Variants in FAM178B observed in about 807,000 individuals in gnomAD.
FAM178B encodes protein FAM178B.
FAM178B carries 82 observed loss-of-function variants against 91.7 expected under a neutral mutation model. The ratio of observed to expected loss-of-function variants is 0.89; its 90% CI spans 0.75 to 1.07. The LOEUF is 1.07. Among genes scored for constraint, FAM178B ranks in the 50% least tolerant of loss-of-function variants. FAM178B has a pLI of 0.00. For missense variants in FAM178B, 769 were observed against 846.7 expected (o/e 0.91, Z 1.14); for synonymous variants, 368 against 359.4 (o/e 1.02, Z -0.27).
At chr2:96,980,233 A>G (rs1024455447) in intron 1 of FAM178B, among the ~76,000 whole-genome samples, 2 of 151,710 alleles carry the variant, frequency 1.3e-5, no homozygotes, top group Non-Finnish European at 2.9e-5. Context: ...GCACCACCAC[A>G]CCCAGCTAAT....
At chr2:96,964,389 C>A (rs1445974574) in intron 5 of FAM178B, among the ~76,000 whole-genome samples, 1 of 152,142 alleles carries the variant, frequency 6.6e-6, no homozygotes, top group Non-Finnish European at 1.5e-5. Context: ...GGGCGTGCAA[C>A]TGAACTTCGC....
intron 14 of FAM178B, among the ~76,000 whole-genome samples, chr2:96,881,125 A>G (rs772147758): frequency 6.6e-6 from 1 of 151,996 alleles, no homozygotes; most frequent in South Asian, 2.1e-4. Context: ...CAAAACCAAA[A>G]GGTTATCCAG....
chr2:96,891,932 A>G (rs567951637), intron 14 of FAM178B, among the ~76,000 whole-genome samples: 1 of 152,192 alleles, frequency 6.6e-6, no homozygotes, highest in East Asian at 1.9e-4. Context: ...GGTCAACCCT[A>G]CTCTGGCCTC....
At chr2:96,951,233 A>AGC in intron 7 of FAM178B, 146 bp downstream of exon 7, 1 of 635,838 alleles carries the variant, frequency 1.6e-6, no homozygotes, top group Non-Finnish European at 2.8e-6. Flanking sequence ...ATGCCCAATC[A>AGC]GCTCTCCTCC....
chr2:96,958,115 C>A (rs1449689585), intron 6 of FAM178B, among the ~76,000 whole-genome samples: 1 of 140,592 alleles, frequency 7.1e-6, no homozygotes, highest in African/African-American at 2.6e-5. Context: ...GTCCCCTAGG[C>A]TGGAGTGCAG....
intron 14 of FAM178B, among the ~76,000 whole-genome samples, chr2:96,879,388 C>A (rs984320291): frequency 1.3e-5 from 2 of 152,180 alleles, no homozygotes; most frequent in African/African-American, 4.8e-5. Context: ...AACCAGCCCA[C>A]GGCCCCTGTG....
In FAM178B at chr2:96,972,085, C is replaced by T. The variant is rs541453202; in HGVS notation, c.380G>A (p.Arg127Gln). The change falls in exon 3 of 17, where the codon CGG becomes CAG. Residue 127 changes from arginine to glutamine, a missense_variant. Arg to Gln is a conservative substitution (Grantham distance 43). Coordinates refer to ENST00000490605, the MANE Select transcript of FAM178B (RefSeq NM_001122646.3). ...CACCCACCTCTGGGCCGGGGCCTCC[C>T]GACTGGCCTGCAGCACCCTCGGGTT... Reference protein sequence around the residue: ...FLNPRVLQASREAPAQRWVGV... With the variant: ...FLNPRVLQASQEAPAQRWVGV... 5.8e-5 allele frequency: 89 copies of T among 1,533,490 alleles called. No individual in the cohort carries two copies. Among genetic ancestry groups the T allele is most frequent in the Middle Eastern group, 3.4e-4 (2 of 5,882 alleles). The allele number at this position is 1,533,490 out of a possible 1,614,324, so 95.0% of individuals were successfully genotyped here. A position where few individuals can be genotyped will look rare whatever the true frequency, so the allele number is the denominator to read the frequency against.
intron 6 of FAM178B, among the ~76,000 whole-genome samples, chr2:96,955,094 C>T (rs1288344071): frequency 2.0e-5 from 3 of 152,098 alleles, no homozygotes; most frequent in African/African-American, 7.2e-5. Flanking sequence ...GGCCGGGCAT[C>T]GTGGCTCATG....
intron 9 of FAM178B, among the ~76,000 whole-genome samples, chr2:96,924,539 C>A (rs762695420): frequency 6.6e-6 from 1 of 152,178 alleles, no homozygotes; most frequent in East Asian, 1.9e-4. Context: ...GAGATGCTTA[C>A]GGTGAGGGGG....
intron 9 of FAM178B, among the ~76,000 whole-genome samples, chr2:96,925,554 G>A (rs773963603): frequency 1.2e-4 from 19 of 152,212 alleles, no homozygotes; most frequent in Admixed American, 8.5e-4. Context: ...GCCACAGCCC[G>A]GGAATTCAAC....
chr2:96,936,233 G>C (rs185372776), intron 8 of FAM178B, among the ~76,000 whole-genome samples: 1 of 151,720 alleles, frequency 6.6e-6, no homozygotes, highest in South Asian at 2.1e-4. Context: ...ACGGAGTCTC[G>C]CTCTGTTGCC....
At chr2:96,902,063 G>A (rs2080944075) in intron 13 of FAM178B, among the ~76,000 whole-genome samples, 1 of 151,652 alleles carries the variant, frequency 6.6e-6, no homozygotes, top group African/African-American at 2.4e-5. Flanking sequence ...GCCTCCCAAA[G>A]TGCTGGGATT....
At chr2:96,981,672 C>T (rs1437868372) in intron 1 of FAM178B, among the ~76,000 whole-genome samples, 4 of 136,338 alleles carry the variant, frequency 2.9e-5, no homozygotes, top group Middle Eastern at 3.9e-3. Context: ...ACCTGGGAGG[C>T]GGAGCTTGCA....
At chr2:96,903,279 TCCGCTCGC>T in intron 12 of FAM178B, among the ~76,000 whole-genome samples, 1 of 152,340 alleles carries the variant, frequency 6.6e-6, no homozygotes, top group Middle Eastern at 3.4e-3. Context: ...GACCTCGTGA[TCCGCTCGC>T]TTCAGCCTCC....
chr2:96,975,488 A>G (rs370392397), intron 1 of FAM178B, among the ~76,000 whole-genome samples: 9 of 152,362 alleles, frequency 5.9e-5, no homozygotes, highest in African/African-American at 2.2e-4. Context: ...AATTTAACAC[A>G]TGCCTATAAT....
chr2:96,970,532 C>T (rs1295276868), intron 4 of FAM178B, among the ~76,000 whole-genome samples, 184 bp downstream of exon 4: 1 of 152,150 alleles, frequency 6.6e-6, no homozygotes, highest in African/African-American at 2.4e-5. Context: ...AGTCTGGGGG[C>T]TCTCTGCCTT....
chr2:96,964,804 G>A (rs931121160), intron 5 of FAM178B, among the ~76,000 whole-genome samples: 1 of 152,100 alleles, frequency 6.6e-6, no homozygotes, highest in Non-Finnish European at 1.5e-5. Context: ...GCAGGGCACT[G>A]TGACCTCTAA....
chr2:96,928,116 G>A (rs2081476345), intron 9 of FAM178B, among the ~76,000 whole-genome samples: 1 of 152,156 alleles, frequency 6.6e-6, no homozygotes, highest in African/African-American at 2.4e-5. Context: ...CAGGTTCTTA[G>A]GAGAGCTCCC....
intron 8 of FAM178B, among the ~76,000 whole-genome samples, chr2:96,940,413 C>G (rs144356444): frequency 2.6e-5 from 4 of 152,190 alleles, no homozygotes; most frequent in Non-Finnish European, 5.9e-5. Flanking sequence ...CTGCAAACCA[C>G]AAGAGAGGCA....
Sources: allele counts gnomAD v4.1 joint callset (sites outside exome capture counted in the v4.1 genomes callset), GRCh38; gene constraint gnomAD v4.1.1; transcripts MANE v1.5; gene names NCBI Gene and HGNC (gene_info 2026-07-23, HGNC 2026-07-21).